DIAPH3: variants seen among roughly 807,000 people sequenced by gnomAD.
The protein encoded by DIAPH3 is protein diaphanous homolog 3.
Under a neutral mutation model 144.3 loss-of-function variants are expected in DIAPH3, and 117 were observed. The ratio of observed to expected loss-of-function variants is 0.81; its 90% CI spans 0.70 to 0.95. The LOEUF (loss-of-function observed/expected upper bound fraction) is 0.95, where lower values mean the gene tolerates loss of function less well. DIAPH3 is among the 40% of genes least tolerant of loss of function. The probability of loss-of-function intolerance (pLI) is 0.00; values close to 1 mark genes in which losing one functional copy is unlikely to be tolerated. For synonymous variants in DIAPH3, 519 were observed against 488.9 expected (o/e 1.06, Z -0.81); for missense variants, 1,421 against 1,412.7 (o/e 1.01, Z -0.09).
intron 20 of DIAPH3, among the ~76,000 whole-genome samples, chr13:59,896,341 A>G (rs2046096555): frequency 6.6e-6 from 1 of 152,148 alleles, no homozygotes; most frequent in South Asian, 2.1e-4. Context: ...ATGCGATATT[A>G]TGCCATTAAC....
intron 25 of DIAPH3, among the ~76,000 whole-genome samples, chr13:59,802,680 T>TTTTA (rs2039997293): frequency 1.4e-5 from 1 of 73,414 alleles, no homozygotes; most frequent in Non-Finnish European, 2.9e-5. Context: ...TTTTTTTTTT[T>TTTTA]TTTTTTTTTT....
chr13:60,061,656 T>C (rs1290749093), intron 4 of DIAPH3, among the ~76,000 whole-genome samples: 1 of 141,624 alleles, frequency 7.1e-6, no homozygotes, highest in African/African-American at 2.7e-5. Context: ...ACTAAACACA[T>C]CTGACTTCAA....
intron 22 of DIAPH3, among the ~76,000 whole-genome samples, chr13:59,857,735 C>A (rs903055865): frequency 3.3e-5 from 5 of 152,002 alleles, no homozygotes; most frequent in Non-Finnish European, 2.9e-5. Flanking sequence ...GGTGAGGTTC[C>A]CAGCAAAAAG....
intron 5 of DIAPH3, among the ~76,000 whole-genome samples, chr13:60,036,636 C>T (rs189951739): frequency 6.7e-4 from 102 of 152,154 alleles, no homozygotes; most frequent in Admixed American, 2.4e-3. Flanking sequence ...ACTCCACCTG[C>T]CCCTTTCAGA....
At chr13:59,981,375 T>C (rs866319465) in intron 13 of DIAPH3, among the ~76,000 whole-genome samples, 27 of 151,422 alleles carry the variant, frequency 1.8e-4, no homozygotes, top group African/African-American at 6.5e-4. Flanking sequence ...TAGTGAAAGC[T>C]AAGAACTTTG....
intron 24 of DIAPH3, among the ~76,000 whole-genome samples, chr13:59,830,622 A>G (rs1412232980): frequency 6.6e-6 from 1 of 151,754 alleles, no homozygotes; most frequent in Non-Finnish European, 1.5e-5. Flanking sequence ...CTATTTGCCC[A>G]CATGAAATGC....
intron 20 of DIAPH3, among the ~76,000 whole-genome samples, chr13:59,887,587 A>G (rs565026753): frequency 1.2e-4 from 19 of 152,100 alleles, no homozygotes; most frequent in Non-Finnish European, 2.5e-4. Context: ...CAAGATATCT[A>G]TATTTTGAAA....
intron 20 of DIAPH3, among the ~76,000 whole-genome samples, chr13:59,888,493 A>G (rs1281784675): frequency 5.3e-5 from 8 of 152,040 alleles, no homozygotes. Context: ...AGCAATTTTT[A>G]GTATTCTATT....
At chr13:59,905,783 G>A (rs922269582) in intron 20 of DIAPH3, among the ~76,000 whole-genome samples, 1 of 152,146 alleles carries the variant, frequency 6.6e-6, no homozygotes, top group African/African-American at 2.4e-5. Context: ...TCAGAGCAAT[G>A]CTGAACCATG....
At chr13:59,867,231 C>T (rs1422536815) in intron 21 of DIAPH3, among the ~76,000 whole-genome samples, 2 of 151,434 alleles carry the variant, frequency 1.3e-5, no homozygotes, top group Non-Finnish European at 2.9e-5. Flanking sequence ...GAGTTCAAGA[C>T]TGCAGTGAGC....
At chr13:60,138,904 G>A (rs1307306526) in intron 1 of DIAPH3, among the ~76,000 whole-genome samples, 2 of 151,484 alleles carry the variant, frequency 1.3e-5, no homozygotes, top group Non-Finnish European at 3.0e-5. Flanking sequence ...ATAATCTATG[G>A]CTGATAATAG....
At chr13:59,804,037 G>A (rs2040071464) in intron 25 of DIAPH3, among the ~76,000 whole-genome samples, 1 of 152,124 alleles carries the variant, frequency 6.6e-6, no homozygotes, top group Non-Finnish European at 1.5e-5. Flanking sequence ...AAATTCTCTG[G>A]TTCCTTAACT....
intron 4 of DIAPH3, among the ~76,000 whole-genome samples, chr13:60,073,670 A>C (rs1158941031): frequency 6.6e-6 from 1 of 152,214 alleles, no homozygotes; most frequent in African/African-American, 2.4e-5. Context: ...GTAAATGCTT[A>C]ATAAACACTA....
chr13:59,709,549 C>T (rs1362700527), intron 27 of DIAPH3, among the ~76,000 whole-genome samples: 16 of 152,140 alleles, frequency 1.1e-4, no homozygotes, highest in Admixed American at 1.0e-3. Flanking sequence ...AATGAGATAC[C>T]ATCTCACACC....
intron 22 of DIAPH3, among the ~76,000 whole-genome samples, chr13:59,856,017 A>T (rs2043234723): frequency 1.3e-5 from 2 of 152,150 alleles, no homozygotes; most frequent in South Asian, 4.1e-4. Context: ...TCTAATCCTG[A>T]AATTAAATGA....
At chr13:60,135,360 T>C (rs1163103331) in intron 1 of DIAPH3, among the ~76,000 whole-genome samples, 1 of 152,110 alleles carries the variant, frequency 6.6e-6, no homozygotes, top group African/African-American at 2.4e-5. Flanking sequence ...TATATAGGTA[T>C]GTACATAAGC....
chr13:59,966,172 C>T (rs773521083), intron 17 of DIAPH3, among the ~76,000 whole-genome samples: 4 of 151,942 alleles, frequency 2.6e-5, no homozygotes, highest in Admixed American at 6.6e-5. Flanking sequence ...ATTCCTATTC[C>T]TCTACAGATA....
rs923658850 is a variant in DIAPH3, at chr13:60,105,669, A to T, written c.390+6341T>A. On this transcript the variant is annotated intron_variant, in intron 3 of 27. Coordinates refer to ENST00000400324, the MANE Select transcript of DIAPH3 (RefSeq NM_001042517.2). ...GAGGGAAAAGAGTGACAAGTAATAA[A>T]TCAGAACAAAGCATTCCCACAGAAC... is the stretch of plus-strand genomic sequence containing the variant. Among the ~76,000 whole-genome samples the T allele has an allele frequency of 3.9e-5, 6 of 152,226 alleles. No homozygotes were observed. The South Asian group carries it at 1.0e-3, about 26-fold the overall frequency.
At chr13:60,080,106 GTTA>G (rs1224413612) in intron 4 of DIAPH3, among the ~76,000 whole-genome samples, 29 of 151,808 alleles carry the variant, frequency 1.9e-4, no homozygotes, top group Non-Finnish European at 3.4e-4. Context: ...GGCTAAATAA[GTTA>G]TTATAAAATA....
Sources: allele counts gnomAD v4.1 joint callset (sites outside exome capture counted in the v4.1 genomes callset), GRCh38; gene constraint gnomAD v4.1.1; transcripts MANE v1.5; gene names NCBI Gene and HGNC (gene_info 2026-07-23, HGNC 2026-07-21).